The following ANKRD6 variants were observed in gnomAD, a reference collection of about 807,000 sequenced individuals.
The protein encoded by ANKRD6 is ankyrin repeat domain-containing protein 6.
Under a neutral mutation model 82.3 loss-of-function variants are expected in ANKRD6, and 56 were observed. The ratio of observed to expected loss-of-function variants is 0.68; its 90% confidence interval spans 0.55 to 0.85. The LOEUF (loss-of-function observed/expected upper bound fraction) is 0.85. Among genes scored for constraint, ANKRD6 ranks in the 40% least tolerant of loss-of-function variants. The pLI is 0.00. For synonymous variants in ANKRD6, 347 were observed against 352.1 expected (o/e 0.99, Z 0.16); for missense variants, 852 against 907.6 (o/e 0.94, Z 0.79).
intron 2 of ANKRD6, among the ~76,000 whole-genome samples, chr6:89,567,350 AGAG>A (rs1474179352): frequency 6.6e-6 from 1 of 152,184 alleles, no homozygotes; most frequent in Non-Finnish European, 1.5e-5. Context: ...AGCTAAATGG[AGAG>A]GAGATCTCTT....
chr6:89,486,290 T>C (rs1289071769), intron 1 of ANKRD6, among the ~76,000 whole-genome samples: 1 of 152,176 alleles, frequency 6.6e-6, no homozygotes, highest in African/African-American at 2.4e-5. Flanking sequence ...GCAGAAATGA[T>C]TGATATTCAG....
intron 9 of ANKRD6, among the ~76,000 whole-genome samples, chr6:89,620,875 C>T (rs375970777): frequency 6.6e-6 from 1 of 152,132 alleles, no homozygotes; most frequent in African/African-American, 2.4e-5. Context: ...ACCATCCTGG[C>T]TAGCACGGTG....
chr6:89,479,753 C>G (rs1341749834), intron 1 of ANKRD6, among the ~76,000 whole-genome samples: 1 of 151,802 alleles, frequency 6.6e-6, no homozygotes, highest in Non-Finnish European at 1.5e-5. Context: ...GGTATATCTC[C>G]TAATGCTATC....
intron 1 of ANKRD6, among the ~76,000 whole-genome samples, chr6:89,503,191 C>T (rs1779451541): frequency 6.6e-6 from 1 of 152,118 alleles, no homozygotes; most frequent in Admixed American, 6.6e-5. Context: ...GTGGGTGGGT[C>T]TGATGCTTTT....
At chr6:89,480,014 A>T (rs561396558) in intron 1 of ANKRD6, among the ~76,000 whole-genome samples, 56 of 152,304 alleles carry the variant, frequency 3.7e-4, no homozygotes, top group African/African-American at 1.3e-3. Flanking sequence ...ATCACGTGTG[A>T]TGAAGAACCC....
chr6:89,605,994 G>T lies in ANKRD6; in HGVS notation c.319-13G>T. ...TGGGTAATGTGCCTTTCCCACCTGT[G>T]TGTCTTCCTTAGGATGGGAATACAG... On this transcript the variant is annotated splice_polypyrimidine_tract_variant and intron_variant, in intron 4 of 15. Transcript: ENST00000339746. The T allele has an allele frequency of 1.3e-6, 2 of 1,559,664 alleles. No individual in the cohort carries two copies. The highest frequency in any genetic ancestry group is 1.2e-5 in the South Asian group (1 of 84,186).
At chr6:89,623,380 A>C (rs1804366006) in intron 10 of ANKRD6, 30 bp from the exon 11 acceptor site, 2 of 1,597,092 alleles carry the variant, frequency 1.3e-6, no homozygotes, top group African/African-American at 2.7e-5. Flanking sequence ...AAGCAAACAC[A>C]ATGGGTCTCT....
At chr6:89,573,887 C>T (rs1228655849) in intron 2 of ANKRD6, among the ~76,000 whole-genome samples, 1 of 152,148 alleles carries the variant, frequency 6.6e-6, no homozygotes, top group Non-Finnish European at 1.5e-5. Context: ...AGCTCAGGAG[C>T]CACCACCAAC....
intron 5 of ANKRD6, among the ~76,000 whole-genome samples, chr6:89,609,377 C>G (rs1799613728): frequency 1.3e-5 from 2 of 152,104 alleles, no homozygotes; most frequent in Middle Eastern, 3.2e-3. Flanking sequence ...TCTCGGCTCA[C>G]TGCAACCTCC....
At chr6:89,523,424 A>T (rs183718277) in intron 1 of ANKRD6, among the ~76,000 whole-genome samples, 1 of 152,266 alleles carries the variant, frequency 6.6e-6, no homozygotes, top group East Asian at 1.9e-4. Flanking sequence ...TAGTTGGAGG[A>T]CCTTCTGGTT....
chr6:89,455,695 C>CCTCCTGCT (rs1372627751), intron 1 of ANKRD6, among the ~76,000 whole-genome samples: 4 of 152,180 alleles, frequency 2.6e-5, no homozygotes, highest in African/African-American at 9.6e-5. Context: ...CCTCTCTCTT[C>CCTCCTGCT]CTCCTGCTCT....
chr6:89,523,305 G>A (rs1286921452), intron 1 of ANKRD6, among the ~76,000 whole-genome samples: 1 of 152,126 alleles, frequency 6.6e-6, no homozygotes, highest in Non-Finnish European at 1.5e-5. Context: ...AGGGATGGAG[G>A]GCCAGCTCTT....
chr6:89,573,690 C>T (rs564902597), intron 2 of ANKRD6, among the ~76,000 whole-genome samples: 11 of 152,290 alleles, frequency 7.2e-5, no homozygotes, highest in South Asian at 2.1e-4. Context: ...CTCTTGCTTA[C>T]GGGACAATTT....
intron 1 of ANKRD6, among the ~76,000 whole-genome samples, chr6:89,518,166 G>A (rs1562701041): frequency 6.6e-6 from 1 of 152,158 alleles, no homozygotes; most frequent in Non-Finnish European, 1.5e-5. Context: ...ACTTTGGGAG[G>A]CCGAGGCGGG....
At chr6:89,502,192 G>GCATAAACA (rs1582951936) in intron 1 of ANKRD6, among the ~76,000 whole-genome samples, 1 of 152,016 alleles carries the variant, frequency 6.6e-6, no homozygotes, top group East Asian at 1.9e-4. Flanking sequence ...GCATATCTGG[G>GCATAAACA]GTTTACACTG....
rs962406276 is a variant in ANKRD6, at chr6:89,632,966, C to T, written c.*1962C>T. 2 of 152,180 alleles carry T rather than the reference C, an allele frequency of 1.3e-5. No individual in the cohort carries two copies. The highest frequency in any genetic ancestry group is 4.8e-5 in the African/African-American group (2 of 41,430). The allele number at this position is 152,180 out of a possible 1,614,324, so 9.4% of individuals were successfully genotyped here. A position where few individuals can be genotyped will look rare whatever the true frequency, so the allele number is the denominator to read the frequency against. On this transcript the variant is annotated 3_prime_UTR_variant, in exon 16 of 16. Transcript: ENST00000339746. ...CACTTACCAAAATATCTCCTATTAC[C>T]TCAAGGTATCCTTGTTGAGGAATGC... is the stretch of plus-strand genomic sequence containing the variant.
intron 2 of ANKRD6, among the ~76,000 whole-genome samples, chr6:89,572,957 A>AGTTTGTTT (rs970585378): frequency 1.3e-5 from 2 of 151,984 alleles, no homozygotes; most frequent in East Asian, 1.9e-4. Flanking sequence ...AGCTCTTCAC[A>AGTTTGTTT]GTTTGTTTGT....
intron 1 of ANKRD6, among the ~76,000 whole-genome samples, chr6:89,551,774 C>G (rs1785881564): frequency 6.6e-6 from 1 of 152,180 alleles, no homozygotes; most frequent in African/African-American, 2.4e-5. Context: ...TGAATCTCAG[C>G]TAATTTTTGT....
chr6:89,566,380 G>T (rs900754864), intron 1 of ANKRD6, among the ~76,000 whole-genome samples: 1 of 152,238 alleles, frequency 6.6e-6, no homozygotes, highest in Non-Finnish European at 1.5e-5. Context: ...GGGTCTCTGT[G>T]GGGTGTGTTC....
Sources: gnomAD v4.1 joint callset for allele counts (sites outside exome capture counted in the v4.1 genomes callset) on GRCh38, gnomAD v4.1.1 for gene constraint, MANE v1.5 for transcripts, NCBI Gene and HGNC (gene_info 2026-07-23, HGNC 2026-07-21) for gene names.